The following LRRC8C variants were observed in gnomAD, a reference collection of about 807,000 sequenced individuals.
LRRC8C encodes the protein volume-regulated anion channel subunit LRRC8C.
A neutral mutation model predicts 55.3 loss-of-function variants in LRRC8C; 20 were observed. The observed-to-expected ratio is 0.36, with a 90% CI of 0.25 to 0.53. The LOEUF is 0.53. Ranked by LOEUF, LRRC8C falls within the 20% of genes least tolerant of loss-of-function variation. The pLI is 0.92. For synonymous variants in LRRC8C, 376 were observed against 360.7 expected, an observed-to-expected ratio of 1.04 and a Z score of -0.48; for missense variants, 659 against 951.4, an observed-to-expected ratio of 0.69 and a Z score of 4.04.
At chr1:89,629,444 C>T (rs1656050823), upstream of LRRC8C, among the ~76,000 whole-genome samples, 3 of 152,110 alleles carry the variant, frequency 2.0e-5, no homozygotes, top group Admixed American at 6.5e-5. Flanking sequence ...CAAAACAAAA[C>T]AAGAATAGCA....
chr1:89,706,387 A>G, intron 2 of LRRC8C: 1 of 454,236 alleles, frequency 2.2e-6, no homozygotes, highest in Non-Finnish European at 4.4e-6. Context: ...TACCTTTTCA[A>G]CTAGTTATCA....
chr1:89,642,277 G>A (rs960577241), intron 1 of LRRC8C, among the ~76,000 whole-genome samples: 3 of 152,210 alleles, frequency 2.0e-5, no homozygotes, highest in Non-Finnish European at 4.4e-5. Context: ...TGACCATAGA[G>A]TAGATACCAG....
chr1:89,685,318 C>CCGT (rs10682040), intron 1 of LRRC8C, among the ~76,000 whole-genome samples: 112 of 138,472 alleles, frequency 8.1e-4, no homozygotes, highest in South Asian at 3.9e-3. Context: ...CGGGGTTTCA[C>CCGT]GTTAGCCAGG....
In LRRC8C at chr1:89,715,577, T is replaced by C. The variant is rs1412661568; in HGVS notation, c.*595T>C. The C allele has an allele frequency of 6.6e-6, 1 of 152,200 alleles. No homozygotes were observed. The highest frequency in any genetic ancestry group is 1.5e-5 in the Non-Finnish European group (1 of 68,024). The allele number at this position is 152,200 out of a possible 1,614,324, so 9.4% of individuals were successfully genotyped here. On this transcript the variant is annotated 3_prime_UTR_variant, in exon 3 of 3. Transcript: ENST00000370454. ...TTATTGTTATCCTTAGGCAAGGTTT[T>C]TGTGAGTGAAGAAAATAATCTTTAG...
chr1:89,680,801 T>C (rs1164995611), intron 1 of LRRC8C, among the ~76,000 whole-genome samples: 5 of 151,962 alleles, frequency 3.3e-5, no homozygotes, highest in Non-Finnish European at 1.5e-5. Context: ...TCTCAAGTGA[T>C]CCACCCACCT....
intron 2 of LRRC8C, among the ~76,000 whole-genome samples, chr1:89,702,196 G>A (rs1418470876): frequency 6.6e-6 from 1 of 151,996 alleles, no homozygotes; most frequent in Non-Finnish European, 1.5e-5. Context: ...GGTGGACTCT[G>A]GGGGGCTGGG....
Position 89,686,460 on chromosome 1 carries a change from C to T in LRRC8C, c.-4-10C>T. On this transcript the variant is annotated splice_polypyrimidine_tract_variant and intron_variant, in intron 1 of 2. Transcript: ENST00000370454. ...ATAAATTGATTTACAAGTAATCTCT[C>T]CTTTCTCAGAAACATGATTCCCGTG... 2 of 1,613,882 alleles carry T rather than the reference C, an allele frequency of 1.2e-6. No homozygotes were observed. The highest frequency in any genetic ancestry group is 1.7e-6 in the Non-Finnish European group (2 of 1,179,958).
intron 2 of LRRC8C, among the ~76,000 whole-genome samples, chr1:89,708,968 C>T (rs950037116): frequency 2.0e-5 from 3 of 152,118 alleles, no homozygotes; most frequent in African/African-American, 4.8e-5. Context: ...CTACTCAGCG[C>T]TCGTTTCTGG....
chr1:89,658,348 C>T (rs1448293435), intron 1 of LRRC8C, among the ~76,000 whole-genome samples: 1 of 152,116 alleles, frequency 6.6e-6, no homozygotes, highest in Non-Finnish European at 1.5e-5. Context: ...GGTGTGTTTG[C>T]TTGGAAACCT....
chr1:89,683,112 T>A (rs957309140), intron 1 of LRRC8C, among the ~76,000 whole-genome samples: 3 of 152,218 alleles, frequency 2.0e-5, no homozygotes, highest in African/African-American at 7.2e-5. Context: ...TTCCCAAGAC[T>A]TAAACATTTT....
intron 2 of LRRC8C, among the ~76,000 whole-genome samples, chr1:89,708,977 G>A (rs1249113065): frequency 2.6e-5 from 4 of 152,132 alleles, no homozygotes; most frequent in African/African-American, 4.8e-5. Flanking sequence ...GCTCGTTTCT[G>A]GGTGATTAAC....
chr1:89,712,609 A>G (rs1042886349), intron 2 of LRRC8C, 100 bp from the exon 3 acceptor site: 22 of 777,072 alleles, frequency 2.8e-5, no homozygotes, highest in Middle Eastern at 4.8e-4. Flanking sequence ...GGCAGAGGAA[A>G]TGGACATTTA....
intron 1 of LRRC8C, among the ~76,000 whole-genome samples, chr1:89,663,067 G>A (rs1657161808): frequency 1.3e-5 from 2 of 152,154 alleles, no homozygotes; most frequent in Admixed American, 1.3e-4. Flanking sequence ...GTGAGAACAT[G>A]CAGTGTTTGG....
chr1:89,657,252 C>T (rs1656970292), intron 1 of LRRC8C, among the ~76,000 whole-genome samples: 1 of 152,084 alleles, frequency 6.6e-6, no homozygotes, highest in Admixed American at 6.6e-5. Context: ...TTGCCTTGGA[C>T]TAAGGACTTC....
rs576998524 is a variant in LRRC8C, at chr1:89,692,402, A to G, written c.138+5791A>G. 3.5e-4 allele frequency among the ~76,000 whole-genome samples: 53 copies of G among 152,338 alleles called. 3 individuals are homozygous for G. In the South Asian group the frequency reaches 9.9e-3, roughly 29 times the overall value. Reference sequence around the variant, plus strand: ...TTTGTAAGTTGCTTTTTTCATGTCAAGTTAACAGTTGATATCTGTTTACTC... The same window carrying G: ...TTTGTAAGTTGCTTTTTTCATGTCAGGTTAACAGTTGATATCTGTTTACTC... On this transcript the variant is annotated intron_variant, in intron 2 of 2. Transcript: ENST00000370454.
At chr1:89,630,005 T>A (rs955832709), upstream of LRRC8C, among the ~76,000 whole-genome samples, 2 of 151,980 alleles carry the variant, frequency 1.3e-5, no homozygotes, top group African/African-American at 4.8e-5. Flanking sequence ...CTAAAAAAAA[T>A]AAATAAATAC....
intron 1 of LRRC8C, among the ~76,000 whole-genome samples, chr1:89,636,334 A>G (rs1474313971): frequency 6.6e-6 from 1 of 152,196 alleles, no homozygotes; most frequent in Non-Finnish European, 1.5e-5. Context: ...CATTGCTATC[A>G]GTGATTCACT....
At chr1:89,652,901 TC>T (rs1656830445) in intron 1 of LRRC8C, among the ~76,000 whole-genome samples, 1 of 152,084 alleles carries the variant, frequency 6.6e-6, no homozygotes, top group Non-Finnish European at 1.5e-5. Flanking sequence ...GACACAGATA[TC>T]TATGGAGGAG....
intron 1 of LRRC8C, among the ~76,000 whole-genome samples, chr1:89,646,824 G>T (rs1656626922): frequency 6.6e-6 from 1 of 152,054 alleles, no homozygotes; most frequent in Non-Finnish European, 1.5e-5. Context: ...TAAGCTTTGT[G>T]GTTAGAAATT....
Sources: allele counts gnomAD v4.1 joint callset (sites outside exome capture counted in the v4.1 genomes callset), GRCh38; gene constraint gnomAD v4.1.1; transcripts MANE v1.5; gene names NCBI Gene and HGNC (gene_info 2026-07-23, HGNC 2026-07-21).